Variants in PTPRK observed in about 807,000 individuals in gnomAD.
PTPRK encodes receptor-type tyrosine-protein phosphatase kappa.
A neutral mutation model predicts 178.0 loss-of-function variants in PTPRK; 75 were observed. That is an observed-to-expected ratio of 0.42 (90% CI 0.35 to 0.51). The LOEUF (loss-of-function observed/expected upper bound fraction) is 0.51, where lower values mean the gene tolerates loss of function less well. PTPRK is among the 20% of genes least tolerant of loss of function. The pLI is 0.02. For missense variants in PTPRK, 1,441 were observed against 1,797.8 expected (o/e 0.80, Z 3.59); for synonymous variants, 637 against 620.6 (o/e 1.03, Z -0.39).
chr6:128,005,525 T>C (rs1184513545), intron 14 of PTPRK, among the ~76,000 whole-genome samples: 1 of 150,876 alleles, frequency 6.6e-6, no homozygotes, highest in Admixed American at 6.6e-5. Flanking sequence ...AATATAATTA[T>C]ATTTATTAAA....
intron 18 of PTPRK, chr6:127,995,121 T>C: frequency 3.3e-6 from 3 of 910,396 alleles, no homozygotes; most frequent in Non-Finnish European, 5.2e-6. Flanking sequence ...AACAGAGATA[T>C]ATTGTATGAA....
intron 1 of PTPRK, among the ~76,000 whole-genome samples, chr6:128,430,069 A>G (rs1188593673): frequency 6.6e-6 from 1 of 151,906 alleles, no homozygotes; most frequent in Non-Finnish European, 1.5e-5. Context: ...TTGATGGATG[A>G]GTATTGAATG....
intron 3 of PTPRK, among the ~76,000 whole-genome samples, chr6:128,247,620 AG>A (rs1356161407): frequency 6.6e-6 from 1 of 152,174 alleles, no homozygotes; most frequent in Non-Finnish European, 1.5e-5. Flanking sequence ...CACCTGGCCT[AG>A]TTCGTACCCT....
At position 128,321,679 on chromosome 6, in the gene PTPRK, T is replaced by C; in HGVS notation, c.495+360A>G. 6.3e-6 allele frequency: 4 copies of C among 636,744 alleles called. No individual in the cohort carries two copies. In the South Asian group the frequency reaches 7.3e-5, roughly 12 times the overall value. 39.4% of individuals were successfully genotyped at this position (636,744 alleles called of 1,614,324 possible). A position where few individuals can be genotyped will look rare whatever the true frequency, so the allele number is the denominator to read the frequency against. On this transcript the variant is annotated intron_variant, in intron 3 of 29. Coordinates refer to ENST00000368226, the MANE Select transcript of PTPRK (RefSeq NM_002844.4). ...ATTACAATAAACTCAAAAAGGCTAT[T>C]TCTTCCTGAACAAAGCTGTAGGAAA... is the stretch of plus-strand genomic sequence containing the variant.
intron 13 of PTPRK, 146 bp downstream of exon 13, chr6:128,064,612 C>A: frequency 1.1e-6 from 1 of 931,418 alleles, no homozygotes; most frequent in Non-Finnish European, 1.5e-6. Flanking sequence ...AGTAGCACCC[C>A]ATTAGTTGTT....
chr6:128,002,937 C>T (rs1778004727), intron 15 of PTPRK, among the ~76,000 whole-genome samples: 1 of 151,850 alleles, frequency 6.6e-6, no homozygotes, highest in South Asian at 2.1e-4. Context: ...TAATATTAGT[C>T]AGACATTAAG....
intron 3 of PTPRK, among the ~76,000 whole-genome samples, chr6:128,279,500 A>G (rs182186803): frequency 7.1e-4 from 108 of 152,306 alleles, no homozygotes; most frequent in African/African-American, 2.5e-3. Context: ...TAAATCTGTT[A>G]TGGCAGCAGC....
intron 1 of PTPRK, among the ~76,000 whole-genome samples, chr6:128,485,665 C>T (rs972570454): frequency 2.6e-5 from 4 of 152,068 alleles, no homozygotes; most frequent in East Asian, 1.9e-4. Context: ...CATGGAAGAG[C>T]GATGGAGTAG....
intron 2 of PTPRK, among the ~76,000 whole-genome samples, chr6:128,347,579 A>C (rs757010818): frequency 6.6e-6 from 1 of 152,124 alleles, no homozygotes; most frequent in Non-Finnish European, 1.5e-5. Context: ...TTTTCATTTA[A>C]ACTGTAAAAG....
intron 1 of PTPRK, among the ~76,000 whole-genome samples, chr6:128,514,888 T>C (rs1857723898): frequency 6.6e-6 from 1 of 152,304 alleles, no homozygotes; most frequent in East Asian, 1.9e-4. Context: ...ATTATTAAAA[T>C]ATTAAATACA....
At chr6:128,455,870 A>C (rs1848324409) in intron 1 of PTPRK, among the ~76,000 whole-genome samples, 2 of 152,126 alleles carry the variant, frequency 1.3e-5, no homozygotes, top group African/African-American at 4.8e-5. Flanking sequence ...TCCAGACACA[A>C]TTTATACAGC....
chr6:128,244,223 T>C (rs1251775156), intron 3 of PTPRK, among the ~76,000 whole-genome samples: 1 of 152,202 alleles, frequency 6.6e-6, no homozygotes, highest in Admixed American at 6.5e-5. Context: ...GGAAAATGCT[T>C]AAGTAATAAC....
At chr6:128,277,452 G>A (rs1820901767) in intron 3 of PTPRK, among the ~76,000 whole-genome samples, 1 of 152,120 alleles carries the variant, frequency 6.6e-6, no homozygotes. Flanking sequence ...AAAACACTGA[G>A]AATTAAGTTA....
chr6:128,232,772 T>G (rs1812522349), intron 5 of PTPRK, among the ~76,000 whole-genome samples: 1 of 152,268 alleles, frequency 6.6e-6, no homozygotes, highest in Non-Finnish European at 1.5e-5. Flanking sequence ...GGTACTTATA[T>G]GCTACTGTTT....
At chr6:128,172,153 C>G (rs1418743382) in intron 7 of PTPRK, among the ~76,000 whole-genome samples, 4 of 151,682 alleles carry the variant, frequency 2.6e-5, no homozygotes, top group African/African-American at 9.7e-5. Context: ...AAATTAATAC[C>G]CAGGATAATT....
chr6:128,161,425 G>A (rs967843708), intron 7 of PTPRK, among the ~76,000 whole-genome samples: 1 of 151,468 alleles, frequency 6.6e-6, no homozygotes, highest in African/African-American at 2.4e-5. Flanking sequence ...GAAAGAGAGA[G>A]AGAAATTATG....
chr6:128,421,990 G>A (rs1346509046), intron 1 of PTPRK, among the ~76,000 whole-genome samples: 1 of 152,154 alleles, frequency 6.6e-6, no homozygotes, highest in Non-Finnish European at 1.5e-5. Context: ...ATCCACCTAA[G>A]AGGCCTGGCC....
intron 5 of PTPRK, among the ~76,000 whole-genome samples, chr6:128,222,151 C>A (rs1326450432): frequency 6.6e-6 from 1 of 152,206 alleles, no homozygotes; most frequent in South Asian, 2.1e-4. Flanking sequence ...TCCACACCCA[C>A]TCAAGTCTTC....
chr6:128,014,816 T>C (rs1348017474), intron 13 of PTPRK, among the ~76,000 whole-genome samples: 2 of 151,662 alleles, frequency 1.3e-5, no homozygotes, highest in African/African-American at 4.8e-5. Context: ...CAATGATCTT[T>C]TGAAGTAATT....
Sources: gnomAD v4.1 joint callset for allele counts (sites outside exome capture counted in the v4.1 genomes callset) on GRCh38, gnomAD v4.1.1 for gene constraint, MANE v1.5 for transcripts, NCBI Gene and HGNC (gene_info 2026-07-23, HGNC 2026-07-21) for gene names.